SLC7A6: variants seen among roughly 807,000 people sequenced by gnomAD.
The protein encoded by SLC7A6 is solute carrier family 7 member 6.
In SLC7A6, 29 loss-of-function variants were observed where a neutral mutation model predicts 46.6. The observed-to-expected ratio is 0.62, with a 90% confidence interval of 0.46 to 0.85. The LOEUF is 0.85. Ranked by LOEUF, SLC7A6 falls within the 40% of genes least tolerant of loss-of-function variation. The pLI, the probability that SLC7A6 is intolerant of heterozygous loss-of-function variation, is 0.00. For synonymous variants in SLC7A6, 276 were observed against 257.3 expected (o/e 1.07, Z -0.70); for missense variants, 527 against 647.6 (o/e 0.81, Z 2.02).
At chr16:68,284,278 C>T (rs150921566) in intron 3 of SLC7A6, 2,282 of 152,286 alleles carry the variant, frequency 0.015, 20 homozygotes, top group Non-Finnish European at 0.022. Context: ...ATCTTCTTTG[C>T]GTCGTTCCAA....
intron 6 of SLC7A6, 70 bp from the exon 7 acceptor site, chr16:68,291,488 C>T (rs2043048577): frequency 6.3e-6 from 10 of 1,582,878 alleles, no homozygotes; most frequent in Admixed American, 3.3e-5. Context: ...GCATTTGTTC[C>T]GAGATCATAG....
In SLC7A6 at chr16:68,286,756, C is replaced by A. The variant is rs570812261; in HGVS notation, c.524-990C>A. On this transcript the variant is annotated intron_variant, in intron 3 of 10. Coordinates refer to ENST00000219343, the MANE Select transcript of SLC7A6 (RefSeq NM_003983.6). Reference sequence around the variant, plus strand: ...AAGCCACGTGAGCCTAGGGAGTACTCGAGTGGGTGCGCTTCTCCATGGACT... The same window carrying A: ...AAGCCACGTGAGCCTAGGGAGTACTAGAGTGGGTGCGCTTCTCCATGGACT... Among the ~76,000 whole-genome samples the A allele has an allele frequency of 2.0e-5, 3 of 152,090 alleles. No individual in the cohort carries two copies. The East Asian group carries it at 5.8e-4, about 29-fold the overall frequency.
Position 68,301,333 on chromosome 16 carries a change from G to C in SLC7A6, c.*4005G>C. 1 of 1,614,146 alleles carries C rather than the reference G, an allele frequency of 6.2e-7. No homozygotes were observed. Among genetic ancestry groups the C allele is most frequent in the Middle Eastern group, 1.7e-4 (1 of 6,060 alleles). ...GCCGAACTCCTTCTGCACATCCAGA[G>C]GGTACTTGCTCCACATCCGCTGTCT... On this transcript the variant is annotated 3_prime_UTR_variant, in exon 11 of 11. Coordinates refer to ENST00000219343, the MANE Select transcript of SLC7A6 (RefSeq NM_003983.6).
chr16:68,292,081 T>C (rs1416158091), intron 7 of SLC7A6: 1 of 163,386 alleles, frequency 6.1e-6, no homozygotes, highest in African/African-American at 2.4e-5. Context: ...GAGTGGTGAC[T>C]TGGGCAGGGA....
chr16:68,278,648 G>A (rs1397052659), intron 3 of SLC7A6, among the ~76,000 whole-genome samples: 1 of 152,152 alleles, frequency 6.6e-6, no homozygotes, highest in Non-Finnish European at 1.5e-5. Context: ...TAGATCAACA[G>A]CATCCCAAGG....
rs371049054 is a variant in SLC7A6 at position 68,274,978 on chromosome 16, G to A, written c.252G>A (p.Trp84Ter). ...TASYGMSLIVWAIGGLFSVVG... is the reference protein window; with the variant it reads ...TASYGMSLIV The stretch of plus-strand genomic sequence containing the variant: ...CCTATGGGATGTCACTGATTGTGTG[G>A]GCCATTGGTGGGCTCTTCTCTGTTG... Residue 84 changes from tryptophan (W) to a stop codon, truncating the protein, a stop_gained, in exon 3 of 11, where the codon TGG becomes TGA. Transcript: ENST00000219343. LOFTEE classifies it high-confidence loss of function. 1.9e-5 allele frequency: 31 copies of A among 1,614,060 alleles called. No homozygotes were observed. The highest frequency in any genetic ancestry group is 2.2e-5 in the Non-Finnish European group (26 of 1,180,044).
rs770690385 is a variant in SLC7A6 at position 68,301,428 on chromosome 16, G to T, written c.*4100G>T. On this transcript the variant is annotated 3_prime_UTR_variant, in exon 11 of 11. Transcript: ENST00000219343. ...AGCCTAGAATGACATCCCGGGAGTG[G>T]ATTCTAAATGTGATTTTCCTAGGCT... 4 of 1,605,046 alleles carry T rather than the reference G, an allele frequency of 2.5e-6. No individual in the cohort carries two copies. In the South Asian group the frequency reaches 4.4e-5, roughly 18 times the overall value.
At chr16:68,293,380 C>T (rs377238165) in intron 7 of SLC7A6, among the ~76,000 whole-genome samples, 13 of 152,274 alleles carry the variant, frequency 8.5e-5, no homozygotes, top group Admixed American at 6.5e-4. Context: ...GCCGAGATCG[C>T]GCCATTGAAC....
At chr16:68,288,244 C>T (rs770159261) in intron 4 of SLC7A6, among the ~76,000 whole-genome samples, 8 of 152,162 alleles carry the variant, frequency 5.3e-5, no homozygotes, top group Non-Finnish European at 1.0e-4. Context: ...AGACTGGGCC[C>T]TCCTTGAGAC....
chr16:68,291,654 T>C lies in SLC7A6; in HGVS notation c.1015T>C (p.Ser339Pro). The change falls in exon 7 of 11, where the codon TCA (serine) becomes CCA (proline). Residue 339 changes from serine (S) to proline (P), a missense_variant. Coordinates refer to ENST00000219343, the MANE Select transcript of SLC7A6 (RefSeq NM_003983.6). ...GGGCCTCAATGCATCCATCTTTGCT[T>C]CATCAAGGTACTGTGTCTCTGTGTC... The part of the protein sequence containing the change: ...FGGLNASIFA[S>P]SRLFFVGSRE... 6.2e-7 allele frequency: 1 copy of C among 1,613,832 alleles called. No individual in the cohort carries two copies. Among genetic ancestry groups the C allele is most frequent in the Non-Finnish European group, 8.5e-7 (1 of 1,179,704 alleles).
At chr16:68,286,153 C>T (rs1322094798) in intron 3 of SLC7A6, among the ~76,000 whole-genome samples, 1 of 150,740 alleles carries the variant, frequency 6.6e-6, no homozygotes, top group Non-Finnish European at 1.5e-5. Context: ...ACTGCTGTTA[C>T]CTTCTGAGAA....
chr16:68,267,789 G>C (rs919963623), intron 2 of SLC7A6, among the ~76,000 whole-genome samples: 2 of 152,202 alleles, frequency 1.3e-5, no homozygotes, highest in African/African-American at 4.8e-5. Flanking sequence ...GTCAGGATTA[G>C]AGGGTTGGGA....
chr16:68,287,724 G>T (rs745772229), intron 3 of SLC7A6, 22 bp from the exon 4 acceptor site: 22 of 1,608,746 alleles, frequency 1.4e-5, no homozygotes, highest in South Asian at 1.1e-5. Flanking sequence ...GCCTGCCAGT[G>T]ACTTTGTGGT....
intron 5 of SLC7A6, chr16:68,290,932 C>G: frequency 2.0e-6 from 1 of 497,282 alleles, no homozygotes; most frequent in South Asian, 2.2e-5. Flanking sequence ...TTGCACTGTT[C>G]CTCTGAGATC....
chr16:68,280,795 C>T (rs1156401146), intron 3 of SLC7A6, among the ~76,000 whole-genome samples: 4 of 151,418 alleles, frequency 2.6e-5, no homozygotes, highest in Non-Finnish European at 4.4e-5. Flanking sequence ...AGTGCAGTGG[C>T]GCGATCTCGG....
In SLC7A6 at chr16:68,291,199, G is replaced by C; in HGVS notation, c.795-10G>C. On this transcript the variant is annotated splice_polypyrimidine_tract_variant and intron_variant, in intron 5 of 10. Transcript: ENST00000219343. ...GGTTCTAGGTAGTCCTTTCTCACTTGTCCTGACAGAAATTTGCCCTTGGCC... is the reference window on the plus strand; with the variant it reads ...GGTTCTAGGTAGTCCTTTCTCACTTCTCCTGACAGAAATTTGCCCTTGGCC... The C allele has an allele frequency of 6.2e-7, 1 of 1,614,168 alleles. No homozygotes were observed. Among genetic ancestry groups the C allele is most frequent in the Non-Finnish European group, 8.5e-7 (1 of 1,180,020 alleles).
At chr16:68,279,249 G>A (rs1257297224) in intron 3 of SLC7A6, among the ~76,000 whole-genome samples, 1 of 152,020 alleles carries the variant, frequency 6.6e-6, no homozygotes, top group African/African-American at 2.4e-5. Flanking sequence ...GCCTGAGGAG[G>A]GAGGATCCCT....
intron 2 of SLC7A6, among the ~76,000 whole-genome samples, chr16:68,271,900 C>T (rs2042630041): frequency 6.6e-6 from 1 of 151,986 alleles, no homozygotes; most frequent in South Asian, 2.1e-4. Context: ...CTCCCAGGTT[C>T]AGGTGATTCT....
At chr16:68,296,253 A>G (rs576476956) in intron 8 of SLC7A6, 111 bp from the exon 9 acceptor site, 1 of 1,209,986 alleles carries the variant, frequency 8.3e-7, no homozygotes, top group East Asian at 2.4e-5. Context: ...AAAGAGCCAG[A>G]GGTAATCTGG....
Sources: allele counts gnomAD v4.1 joint callset (sites outside exome capture counted in the v4.1 genomes callset), GRCh38; gene constraint gnomAD v4.1.1; transcripts MANE v1.5; gene names NCBI Gene and HGNC (gene_info 2026-07-23, HGNC 2026-07-21).